Variants in SYNE2 observed in about 807,000 individuals in gnomAD.
SYNE2 encodes nesprin-2.
SYNE2 carries 431 observed loss-of-function variants against 856.3 expected under a neutral mutation model. That is an observed-to-expected ratio of 0.50 (90% confidence interval 0.47 to 0.55). SYNE2 has a LOEUF of 0.55. SYNE2 is among the 20% of genes least tolerant of loss of function. SYNE2 has a pLI of 0.00. For missense variants in SYNE2, 8,129 were observed against 8,023.2 expected (o/e 1.01, Z -0.50); for synonymous variants, 2,923 against 2,872.3 (o/e 1.02, Z -0.56).
At chr14:64,117,076 T>C (rs537477163) in intron 66 of SYNE2, among the ~76,000 whole-genome samples, 6 of 152,308 alleles carry the variant, frequency 3.9e-5, no homozygotes, top group African/African-American at 1.4e-4. Context: ...AGACCCCCAA[T>C]GGATGCCTGA....
Position 64,141,521 on chromosome 14 carries a change from C to G in SYNE2, c.15157C>G (p.Gln5053Glu). ...TCCAGATATTCAAGAAAAACTTCAC[C>G]AGGTAAGTCTTTAGAGCCTCAGCAT... is the stretch of plus-strand genomic sequence containing the variant. ...QLPDIQEKLH[Q>E]LQMEKLPSRK... Residue 5053 changes from glutamine (Q) to glutamate (E), a missense_variant and splice_region_variant, in exon 81 of 116, where the codon CAG becomes GAG. Coordinates refer to ENST00000555002, the MANE Select transcript of SYNE2 (RefSeq NM_182914.3). The G allele has an allele frequency of 1.2e-6, 2 of 1,613,752 alleles. No individual in the cohort carries two copies. The highest frequency in any genetic ancestry group is 1.7e-6 in the Non-Finnish European group (2 of 1,179,844).
intron 25 of SYNE2, 86 bp from the exon 26 acceptor site, chr14:63,998,133 A>G: frequency 1.0e-6 from 1 of 964,916 alleles, no homozygotes; most frequent in South Asian, 1.3e-5. Context: ...AGAATCAATG[A>G]TACATTTTTG....
chr14:64,043,147 G>A (rs941797274), intron 45 of SYNE2, among the ~76,000 whole-genome samples: 15 of 152,118 alleles, frequency 9.9e-5, no homozygotes, highest in African/African-American at 2.4e-4. Context: ...AGAGATTTGC[G>A]GAACCGAACT....
At chr14:64,129,238 C>T (rs1369853011) in intron 74 of SYNE2, among the ~76,000 whole-genome samples, 20 of 152,098 alleles carry the variant, frequency 1.3e-4, no homozygotes, top group Non-Finnish European at 2.9e-5. Context: ...GCTTGGGGGG[C>T]GGAGGTTGCA....
Position 64,225,389 on chromosome 14 carries a change from C to T in SYNE2, c.20587C>T (p.Leu6863=), listed in dbSNP as rs2098714730. 1 of 1,614,002 alleles carries T rather than the reference C, an allele frequency of 6.2e-7. No individual in the cohort carries two copies. Among genetic ancestry groups the T allele is most frequent in the East Asian group, 2.2e-5 (1 of 44,890 alleles). ...GGTCCGGGCAGCCCTACCCCTGCAG[C>T]TGCTCCTCCTGCTGCTGCTGCTCCT... The part of the protein sequence containing the change: ...RVVRAALPLQ[L]LLLLLLLLAC... Residue 6863 remains leucine (L), a synonymous_variant, in exon 116 of 116, where the codon CTG becomes TTG. Coordinates refer to ENST00000555002, the MANE Select transcript of SYNE2 (RefSeq NM_182914.3).
intron 6 of SYNE2, among the ~76,000 whole-genome samples, chr14:63,948,790 A>ATGTATATGTGTGTGTGTGTG (rs1566884745): frequency 2.7e-5 from 2 of 74,012 alleles, no homozygotes; most frequent in African/African-American, 1.5e-4. Flanking sequence ...GTGTATATAT[A>ATGTATATGTGTGTGTGTGTG]TATATATATA....
At chr14:63,789,172 A>G (rs1286960894) in intron 1 of SYNE2, among the ~76,000 whole-genome samples, 2 of 152,176 alleles carry the variant, frequency 1.3e-5, no homozygotes, top group African/African-American at 2.4e-5. Flanking sequence ...TGCATCAAAT[A>G]TTTCACTGGT....
rs1474098866 is a variant in SYNE2, at chr14:64,002,941, A to G, written c.4008A>G (p.Lys1336=). The G allele has an allele frequency of 6.2e-7, 1 of 1,614,110 alleles. No homozygotes were observed. The highest frequency in any genetic ancestry group is 1.1e-5 in the South Asian group (1 of 91,064). The part of the protein sequence containing the change: ...EDFLASLRTA[K]LSAEPVTDLS... ...TTTTGGCGTCTCTCAGAACAGCTAA[A>G]CTCTCTGCTGAGCCCGTTACAGACC... is the stretch of plus-strand genomic sequence containing the variant. The change falls in exon 30 of 116, where the codon AAA becomes AAG. Residue 1336 remains lysine, a synonymous_variant. Transcript: ENST00000555002.
At chr14:63,925,548 A>G (rs912013040) in intron 2 of SYNE2, among the ~76,000 whole-genome samples, 1 of 152,090 alleles carries the variant, frequency 6.6e-6, no homozygotes, top group Non-Finnish European at 1.5e-5. Flanking sequence ...GAGCAATTGC[A>G]TTGTTTTTTT....
intron 1 of SYNE2, among the ~76,000 whole-genome samples, chr14:63,908,810 A>G (rs1019094120): frequency 6.6e-6 from 1 of 152,192 alleles, no homozygotes; most frequent in African/African-American, 2.4e-5. Context: ...ATTACATCGA[A>G]TTGCCTGGCC....
intron 99 of SYNE2, among the ~76,000 whole-genome samples, chr14:64,198,376 T>C (rs962699507): frequency 1.3e-5 from 2 of 152,222 alleles, no homozygotes; most frequent in African/African-American, 2.4e-5. Context: ...GTTGCCTGGG[T>C]TGGCAAAAGA....
In SYNE2 at chr14:64,113,192, A is replaced by C. The variant is rs141680971; in HGVS notation, c.12610-149A>C. 321 of 1,493,322 alleles carry C rather than the reference A, an allele frequency of 2.1e-4. No homozygotes were observed. Among genetic ancestry groups the C allele is most frequent in the African/African-American group, 7.2e-4 (51 of 71,172 alleles). The allele number at this position is 1,493,322 out of a possible 1,614,324, so 92.5% of individuals were successfully genotyped here. A position where few individuals can be genotyped will look rare whatever the true frequency, so the allele number is the denominator to read the frequency against. Reference sequence around the variant, plus strand: ...ACCAGGTCACGTGATTGTTGCTATGAGTGTGGAGGTGCATTTCTCTTTTCT... The same window carrying C: ...ACCAGGTCACGTGATTGTTGCTATGCGTGTGGAGGTGCATTTCTCTTTTCT... On this transcript the variant is annotated intron_variant, in intron 65 of 115. Transcript: ENST00000555002.
chr14:64,019,784 T>G (rs1049448207), intron 34 of SYNE2, among the ~76,000 whole-genome samples: 1 of 152,206 alleles, frequency 6.6e-6, no homozygotes, highest in African/African-American at 2.4e-5. Context: ...TTCTCTTGTC[T>G]TATACCTAGA....
At chr14:64,141,748 AGTTT>A (rs2098140700) in intron 81 of SYNE2, among the ~76,000 whole-genome samples, 190 bp from the exon 82 acceptor site, 1 of 151,934 alleles carries the variant, frequency 6.6e-6, no homozygotes, top group Non-Finnish European at 1.5e-5. Context: ...CCACTGTGTT[AGTTT>A]ATGTGAAGGT....
At position 64,055,957 on chromosome 14, in the gene SYNE2, A is replaced by C. The variant is rs1446081798; in HGVS notation, c.9758A>C (p.Asp3253Ala). The change falls in exon 49 of 116, where the codon GAT (aspartate) becomes GCT (alanine). Residue 3253 changes from aspartate to alanine, a missense_variant. Around this residue, in one of 3 missense-constraint regions of SYNE2, gnomAD observed 5,410 missense variants for 5,284.8 expected, o/e 1.02. Transcript: ENST00000555002. Reference protein sequence around the residue: ...SIDLRTNVLNDAYENLTRYKE... With the variant: ...SIDLRTNVLNAAYENLTRYKE... ...CCTATTCACTAGAATGTCTTGAATG[A>C]TGCTTATGAAAATCTAACACGCTAT... 6.2e-7 allele frequency: 1 copy of C among 1,613,652 alleles called. No homozygotes were observed. The highest frequency in any genetic ancestry group is 1.3e-5 in the African/African-American group (1 of 74,930).
intron 2 of SYNE2, among the ~76,000 whole-genome samples, chr14:63,919,972 G>GTTTTTTTTGTTTTTTTTT (rs2095577841): frequency 9.0e-6 from 1 of 110,620 alleles, no homozygotes; most frequent in Non-Finnish European, 1.8e-5. Flanking sequence ...TAAAAGGTAA[G>GTTTTTTTTGTTTTTTTTT]TTTTTTTTTT....
Position 64,025,418 on chromosome 14 carries a change from C to A in SYNE2, c.6249C>A (p.Ile2083=). The part of the protein sequence containing the change: ...KMPLEERIQK[I]KEIILLKPEG... ...CACTTGAGGAAAGAATCCAAAAAAT[C>A]AAGGTATAACTATGGAAACTAAATT... Residue 2083 remains isoleucine (I), a synonymous_variant, in exon 41 of 116, where the codon ATC becomes ATA. Transcript: ENST00000555002. The A allele has an allele frequency of 2.5e-6, 4 of 1,611,250 alleles. No homozygotes were observed. Among genetic ancestry groups the A allele is most frequent in the South Asian group, 2.2e-5 (2 of 90,832 alleles).
chr14:64,140,940 T>A (rs1461660708), intron 80 of SYNE2, among the ~76,000 whole-genome samples: 2 of 152,150 alleles, frequency 1.3e-5, no homozygotes, highest in African/African-American at 2.4e-5. Flanking sequence ...ATTACTAACT[T>A]TGCTATTAAA....
intron 53 of SYNE2, among the ~76,000 whole-genome samples, chr14:64,075,098 C>T (rs759928788): frequency 1.3e-5 from 2 of 152,082 alleles, no homozygotes; most frequent in African/African-American, 2.4e-5. Flanking sequence ...TTGTCCTCTG[C>T]TGAGGATTAA....
Sources: gnomAD v4.1 joint callset for allele counts (sites outside exome capture counted in the v4.1 genomes callset) on GRCh38, gnomAD v4.1.1 for gene constraint, gnomAD v4.1.1 regional missense constraint, MANE v1.5 for transcripts, NCBI Gene and HGNC (gene_info 2026-07-23, HGNC 2026-07-21) for gene names.